Variants in SH3PXD2A observed in about 807,000 individuals in gnomAD.
SH3PXD2A encodes SH3 and PX domain-containing protein 2A.
A neutral mutation model predicts 115.2 loss-of-function variants in SH3PXD2A; 32 were observed. The ratio of observed to expected loss-of-function variants is 0.28; its 90% CI spans 0.21 to 0.37. SH3PXD2A has a LOEUF of 0.37. Among genes scored for constraint, SH3PXD2A ranks in the 10% least tolerant of loss-of-function variants. The pLI, the probability that SH3PXD2A is intolerant of heterozygous loss-of-function variation, is 1.00. For missense variants in SH3PXD2A, 1,328 were observed against 1,498.7 expected, an observed-to-expected ratio of 0.89 and a Z score of 1.88; for synonymous variants, 610 against 629.1, an observed-to-expected ratio of 0.97 and a Z score of 0.45.
chr10:103,601,735 C>G lies in SH3PXD2A; in HGVS notation c.*81G>C. 1 of 227,454 alleles carries G rather than the reference C, an allele frequency of 4.4e-6. No individual in the cohort carries two copies. 14.1% of individuals were successfully genotyped at this position (227,454 alleles called of 1,614,324 possible). ...CCCCACCCCCCACCCCCATTTTTTC[C>G]TTTCCCTTTTGTTCGTCTCACCGCT... is the stretch of plus-strand genomic sequence containing the variant. On this transcript the variant is annotated 3_prime_UTR_variant, in exon 15 of 15. Transcript: ENST00000369774.
chr10:103,774,313 T>A (rs1464110882), intron 2 of SH3PXD2A, among the ~76,000 whole-genome samples: 3 of 152,218 alleles, frequency 2.0e-5, no homozygotes, highest in African/African-American at 7.2e-5. Flanking sequence ...AGTTAAGTGA[T>A]CCTTCTGCCA....
At chr10:103,630,048 C>CA (rs2036755868) in intron 8 of SH3PXD2A, among the ~76,000 whole-genome samples, 1 of 152,228 alleles carries the variant, frequency 6.6e-6, no homozygotes, top group Admixed American at 6.5e-5. Context: ...GGCTGGGGGT[C>CA]ACCCTCATCT....
At chr10:103,798,539 C>A (rs1456115225) in intron 2 of SH3PXD2A, among the ~76,000 whole-genome samples, 1 of 152,182 alleles carries the variant, frequency 6.6e-6, no homozygotes, top group African/African-American at 2.4e-5. Context: ...TTGTATGTAT[C>A]CACTCTTTTC....
At chr10:103,794,983 G>A (rs183086008) in intron 2 of SH3PXD2A, among the ~76,000 whole-genome samples, 1 of 152,262 alleles carries the variant, frequency 6.6e-6, no homozygotes, top group Admixed American at 6.5e-5. Context: ...ACTCAGGAAG[G>A]GGCTGGGAGG....
intron 6 of SH3PXD2A, among the ~76,000 whole-genome samples, chr10:103,680,221 C>T (rs757946363): frequency 4.6e-5 from 7 of 152,012 alleles, no homozygotes; most frequent in Non-Finnish European, 7.4e-5. Context: ...TCAAGTAATC[C>T]GCCCAACTCG....
intron 1 of SH3PXD2A, among the ~76,000 whole-genome samples, chr10:103,845,150 C>T (rs1842830610): frequency 1.3e-5 from 2 of 151,562 alleles, no homozygotes; most frequent in Admixed American, 6.6e-5. Flanking sequence ...ACTGTGAAAC[C>T]CCATCTCCAC....
intron 1 of SH3PXD2A, among the ~76,000 whole-genome samples, chr10:103,837,059 C>G (rs2039551255): frequency 6.6e-6 from 1 of 152,196 alleles, no homozygotes; most frequent in African/African-American, 2.4e-5. Flanking sequence ...AGGCCGGGTT[C>G]CCTTGTTTCC....
chr10:103,794,209 A>T (rs773410275), intron 2 of SH3PXD2A, among the ~76,000 whole-genome samples: 11 of 152,156 alleles, frequency 7.2e-5, no homozygotes, highest in Admixed American at 2.6e-4. Context: ...GTCTGGAGAG[A>T]TGAATAAGGA....
chr10:103,636,892 G>C (rs1043059131), intron 8 of SH3PXD2A, among the ~76,000 whole-genome samples: 2 of 152,094 alleles, frequency 1.3e-5, no homozygotes, highest in African/African-American at 4.8e-5. Flanking sequence ...GACAGACCTC[G>C]GTTAGGATCC....
In SH3PXD2A at chr10:103,603,492, C is replaced by G. The variant is rs377100440; in HGVS notation, c.1726G>C (p.Val576Leu). The change falls in exon 15 of 15, where the codon GTG becomes CTG. Residue 576 changes from valine to leucine, a missense_variant. By Grantham distance (32) the Val-to-Leu change is conservative (BLOSUM62 1). Coordinates refer to ENST00000369774, the MANE Select transcript of SH3PXD2A (RefSeq NM_001394015.1). Reference protein sequence around the residue: ...DSEPELSEEPVEDRASGERRP... With the variant: ...DSEPELSEEPLEDRASGERRP... ...CTCTCCCCTGAGGCTCTGTCCTCCA[C>G]GGGCTCCTCGCTCAGCTCAGGCTCT... 5.0e-6 allele frequency: 8 copies of G among 1,611,166 alleles called. No homozygotes were observed. The South Asian group carries it at 8.8e-5, about 18-fold the overall frequency.
chr10:103,767,552 T>C (rs757377414), intron 2 of SH3PXD2A, among the ~76,000 whole-genome samples: 1 of 152,160 alleles, frequency 6.6e-6, no homozygotes, highest in Non-Finnish European at 1.5e-5. Context: ...CTTCAGCCAC[T>C]GGCCATCCCG....
At chr10:103,667,399 C>T (rs1000547950) in intron 7 of SH3PXD2A, among the ~76,000 whole-genome samples, 2 of 152,234 alleles carry the variant, frequency 1.3e-5, no homozygotes, top group Admixed American at 1.3e-4. Context: ...GACTGCTGGC[C>T]CCTCCGCTAT....
At chr10:103,679,007 G>C (rs1250061201) in intron 6 of SH3PXD2A, among the ~76,000 whole-genome samples, 1 of 152,154 alleles carries the variant, frequency 6.6e-6, no homozygotes, top group Non-Finnish European at 1.5e-5. Context: ...TGGAAGACGT[G>C]GCACATGGGG....
intron 6 of SH3PXD2A, among the ~76,000 whole-genome samples, chr10:103,674,651 C>T (rs2037506969): frequency 6.6e-6 from 1 of 152,060 alleles, no homozygotes; most frequent in South Asian, 2.1e-4. Flanking sequence ...GAAACCCCGT[C>T]TCTACTAAAA....
chr10:103,674,816 T>C (rs1418413225), intron 6 of SH3PXD2A, among the ~76,000 whole-genome samples: 2 of 150,430 alleles, frequency 1.3e-5, no homozygotes, highest in African/African-American at 4.9e-5. Flanking sequence ...CAAGGCTCTG[T>C]CTCTTAAAAA....
chr10:103,614,438 T>G (rs1592263251), intron 11 of SH3PXD2A, among the ~76,000 whole-genome samples: 2 of 151,918 alleles, frequency 1.3e-5, no homozygotes, highest in Admixed American at 1.3e-4. Flanking sequence ...CAAAAGCACA[T>G]GACTAGATAA....
chr10:103,748,088 A>C (rs1177408217), intron 3 of SH3PXD2A, among the ~76,000 whole-genome samples: 2 of 152,114 alleles, frequency 1.3e-5, no homozygotes, highest in Non-Finnish European at 2.9e-5. Context: ...CATTAAGAGG[A>C]CGTAACATTC....
intron 3 of SH3PXD2A, among the ~76,000 whole-genome samples, chr10:103,738,528 T>C (rs2038406579): frequency 6.6e-6 from 1 of 151,816 alleles, no homozygotes; most frequent in Non-Finnish European, 1.5e-5. Flanking sequence ...TCCAGCCGTA[T>C]GAGCAGGACC....
chr10:103,602,806 C>T lies in SH3PXD2A; in HGVS notation c.2412G>A (p.Pro804=), dbSNP rs377585580. ...CACTGGGAGCCTCGGAGGCCGTCTGCGGGGGCAGCTCCGAATCCTCACTCT... is the reference window on the plus strand; with the variant it reads ...CACTGGGAGCCTCGGAGGCCGTCTGTGGGGGCAGCTCCGAATCCTCACTCT... ...GSKSEDSELP[P]QTASEAPSEG... is the part of the protein sequence containing the mutation. Residue 804 remains proline (P), a synonymous_variant, in exon 15 of 15, where the codon CCG becomes CCA. Transcript: ENST00000369774. 78 of 1,613,974 alleles carry T rather than the reference C, an allele frequency of 4.8e-5. No individual in the cohort carries two copies. Among genetic ancestry groups the T allele is most frequent in the East Asian group, 8.9e-5 (4 of 44,892 alleles).
Sources: allele counts gnomAD v4.1 joint callset (sites outside exome capture counted in the v4.1 genomes callset), GRCh38; gene constraint gnomAD v4.1.1; transcripts MANE v1.5; gene names NCBI Gene and HGNC (gene_info 2026-07-23, HGNC 2026-07-21).